The following NRCAM variants were observed in gnomAD, a reference collection of about 807,000 sequenced individuals.
NRCAM encodes the protein neuronal cell adhesion molecule.
In NRCAM, 83 loss-of-function variants were observed where a neutral mutation model predicts 156.5. The ratio of observed to expected loss-of-function variants is 0.53; its 90% confidence interval spans 0.44 to 0.64. The LOEUF is 0.64. Ranked by LOEUF, NRCAM falls within the 30% of genes least tolerant of loss-of-function variation. NRCAM has a pLI of 0.00. For synonymous variants in NRCAM, 538 were observed against 563.9 expected (o/e 0.95, Z 0.65); for missense variants, 1,417 against 1,597.3 (o/e 0.89, Z 1.92).
intron 2 of NRCAM, among the ~76,000 whole-genome samples, chr7:108,399,169 GTT>G (rs1491205237): frequency 1.6e-5 from 2 of 121,408 alleles, no homozygotes; most frequent in Non-Finnish European, 3.5e-5. Context: ...GGGTGTGTGT[GTT>G]TGTGTGTGTG....
chr7:108,391,989 C>G (rs558350175), intron 2 of NRCAM, among the ~76,000 whole-genome samples: 4 of 152,342 alleles, frequency 2.6e-5, no homozygotes, highest in South Asian at 2.1e-4. Flanking sequence ...CAACCTTTCT[C>G]TCTGGCTGCC....
chr7:108,256,112 C>G (rs1305703638), intron 3 of NRCAM, among the ~76,000 whole-genome samples: 5 of 152,334 alleles, frequency 3.3e-5, no homozygotes, highest in African/African-American at 1.2e-4. Context: ...GCCGCCACCC[C>G]GTCTGGGAGG....
intron 30 of NRCAM, among the ~76,000 whole-genome samples, chr7:108,166,070 A>C (rs2053905488): frequency 6.6e-6 from 1 of 151,954 alleles, no homozygotes; most frequent in East Asian, 1.9e-4. Context: ...TAATATTCAC[A>C]TAAGTAAATA....
rs748730987 is a variant in NRCAM at position 108,149,872 on chromosome 7, A to G, written c.*38T>C. Reference sequence around the variant, plus strand: ...TGACAAACAAGTGCTTAGGATAAACATTCTAGAGAAATGGAATATTGGCAA... The same window carrying G: ...TGACAAACAAGTGCTTAGGATAAACGTTCTAGAGAAATGGAATATTGGCAA... On this transcript the variant is annotated 3_prime_UTR_variant, in exon 33 of 33. Coordinates refer to ENST00000379028, the MANE Select transcript of NRCAM (RefSeq NM_001037132.4). The G allele has an allele frequency of 6.5e-7, 1 of 1,540,430 alleles. No individual in the cohort carries two copies. The highest frequency in any genetic ancestry group is 1.8e-5 in the Admixed American group (1 of 55,616).
At chr7:108,402,779 A>T (rs1256060780) in intron 1 of NRCAM, among the ~76,000 whole-genome samples, 3 of 152,184 alleles carry the variant, frequency 2.0e-5, no homozygotes, top group Non-Finnish European at 4.4e-5. Context: ...TTGGATCAGG[A>T]GTGAGCACCT....
intron 28 of NRCAM, among the ~76,000 whole-genome samples, 198 bp downstream of exon 28, chr7:108,175,124 G>C (rs377348): frequency 1.3e-5 from 2 of 152,188 alleles, no homozygotes; most frequent in Non-Finnish European, 2.9e-5. Flanking sequence ...AAGAAAAAAT[G>C]TTTTGAGAAT....
chr7:108,433,479 T>A (rs1828281861), intron 1 of NRCAM, among the ~76,000 whole-genome samples: 2 of 152,296 alleles, frequency 1.3e-5, no homozygotes, highest in South Asian at 4.2e-4. Context: ...CACGTTGAAA[T>A]TTGATCCCCA....
At chr7:108,398,212 C>G (rs1013586889) in intron 2 of NRCAM, among the ~76,000 whole-genome samples, 2 of 152,086 alleles carry the variant, frequency 1.3e-5, no homozygotes, top group African/African-American at 4.8e-5. Flanking sequence ...TGCTTCTCTC[C>G]TAAATTCCCC....
chr7:108,167,385 A>T (rs765588446), intron 29 of NRCAM, among the ~76,000 whole-genome samples: 78 of 152,312 alleles, frequency 5.1e-4, no homozygotes, highest in Middle Eastern at 3.4e-3. Context: ...GAAACTGTTG[A>T]GTTTCTCTAA....
At chr7:108,351,514 C>T (rs2099412429) in intron 2 of NRCAM, among the ~76,000 whole-genome samples, 1 of 152,182 alleles carries the variant, frequency 6.6e-6, no homozygotes, top group Non-Finnish European at 1.5e-5. Context: ...AGCAACAGCA[C>T]TATTGGACTG....
chr7:108,314,740 G>A (rs1241156074), intron 2 of NRCAM, among the ~76,000 whole-genome samples: 1 of 152,102 alleles, frequency 6.6e-6, no homozygotes, highest in African/African-American at 2.4e-5. Flanking sequence ...GACTTTTTTG[G>A]CAGAGAAAGA....
intron 3 of NRCAM, among the ~76,000 whole-genome samples, chr7:108,310,279 T>A (rs2098784335): frequency 6.6e-6 from 1 of 152,218 alleles, no homozygotes; most frequent in African/African-American, 2.4e-5. Flanking sequence ...TACGAAGTGA[T>A]TTCAGAGGTA....
chr7:108,197,293 C>A (rs1005354933), intron 14 of NRCAM, among the ~76,000 whole-genome samples: 9 of 152,104 alleles, frequency 5.9e-5, no homozygotes, highest in African/African-American at 2.2e-4. Flanking sequence ...AAGGAAAATA[C>A]CAAGTATTGG....
chr7:108,173,143 G>C (rs192510276), intron 28 of NRCAM, among the ~76,000 whole-genome samples: 296 of 151,768 alleles, frequency 2.0e-3, no homozygotes, highest in Admixed American at 7.2e-3. Context: ...CCAACAACAC[G>C]CCCAGCTAAT....
At chr7:108,291,298 C>T (rs1241832639) in intron 3 of NRCAM, among the ~76,000 whole-genome samples, 1 of 152,116 alleles carries the variant, frequency 6.6e-6, no homozygotes, top group Non-Finnish European at 1.5e-5. Flanking sequence ...ATTCAAAATG[C>T]ACTATCTCAA....
intron 11 of NRCAM, among the ~76,000 whole-genome samples, chr7:108,221,398 C>T (rs36065373): frequency 0.41 from 61,603 of 152,028 alleles, 14,115 homozygotes; most frequent in East Asian, 0.81. Context: ...TACTTGCACA[C>T]GCATGTTTAT....
chr7:108,350,957 T>C (rs1038416831), intron 2 of NRCAM, among the ~76,000 whole-genome samples: 4 of 152,320 alleles, frequency 2.6e-5, no homozygotes, highest in Middle Eastern at 3.4e-3. Context: ...TTCTTGGGAA[T>C]GTCCCTCATA....
At chr7:108,185,584 T>C (rs1011478837) in intron 20 of NRCAM, among the ~76,000 whole-genome samples, 3 of 152,088 alleles carry the variant, frequency 2.0e-5, no homozygotes, top group South Asian at 4.2e-4. Context: ...CTGGGTGTGG[T>C]GGCGTGCACC....
At chr7:108,184,146 T>C (rs1248238658) in intron 22 of NRCAM, 95 bp downstream of exon 22, 2 of 779,920 alleles carry the variant, frequency 2.6e-6, no homozygotes, top group Non-Finnish European at 4.1e-6. Flanking sequence ...TCCCCAGAAA[T>C]AGGTGAAATG....
Sources: gnomAD v4.1 joint callset for allele counts (sites outside exome capture counted in the v4.1 genomes callset) on GRCh38, gnomAD v4.1.1 for gene constraint, MANE v1.5 for transcripts, NCBI Gene and HGNC (gene_info 2026-07-23, HGNC 2026-07-21) for gene names.